Variants in MGLL observed in about 807,000 individuals in gnomAD.
The protein encoded by MGLL is lysophospholipase homolog.
MGLL carries 7 observed loss-of-function variants against 29.1 expected under a neutral mutation model. The ratio of observed to expected loss-of-function variants is 0.24; its 90% CI spans 0.14 to 0.45. The LOEUF is 0.45. Ranked by LOEUF, MGLL falls within the 20% of genes least tolerant of loss-of-function variation. MGLL has a pLI of 0.99. For synonymous variants in MGLL, 148 were observed against 168.3 expected, an observed-to-expected ratio of 0.88 and a Z score of 0.93; for missense variants, 356 against 413.6, an observed-to-expected ratio of 0.86 and a Z score of 1.21.
At position 127,701,215 on chromosome 3, in the gene MGLL, C is replaced by CAAAAAAAAAAAAA. The variant is rs60128956; in HGVS notation, c.601-6038_601-6026dup. On this transcript the variant is annotated intron_variant, in intron 6 of 7. Transcript: ENST00000265052. ...GGGCAAGAGAGCGAGACCCTGCCTC[C>CAAAAAAAAAAAAA]AAAAAAAAAAAAAAAAAAGCCACCA... Among the ~76,000 whole-genome samples the CAAAAAAAAAAAAA allele has an allele frequency of 1.2e-3, 67 of 56,362 alleles. 5 individuals are homozygous for CAAAAAAAAAAAAA. The highest frequency in any genetic ancestry group is 7.2e-3 in the East Asian group (12 of 1,674). The allele number at this position is 56,362 out of a possible 152,430, so 37.0% of individuals were successfully genotyped here.
intron 2 of MGLL, among the ~76,000 whole-genome samples, chr3:127,799,086 G>C (rs995914771): frequency 5.3e-5 from 8 of 152,184 alleles, no homozygotes; most frequent in Admixed American, 5.2e-4. Flanking sequence ...TTCTCTCGAG[G>C]ACACATTCTT....
chr3:127,725,011 C>T (rs1469088984), intron 3 of MGLL, among the ~76,000 whole-genome samples: 1 of 152,092 alleles, frequency 6.6e-6, no homozygotes, highest in East Asian at 1.9e-4. Context: ...CATCCACAGC[C>T]CCCAAGCTGC....
chr3:127,795,022 G>A (rs377497587), intron 2 of MGLL, among the ~76,000 whole-genome samples: 6 of 152,254 alleles, frequency 3.9e-5, no homozygotes, highest in African/African-American at 1.4e-4. Flanking sequence ...TCCCATTACT[G>A]GGTATATACC....
intron 2 of MGLL, among the ~76,000 whole-genome samples, chr3:127,788,031 G>C (rs2077242901): frequency 6.6e-6 from 1 of 152,182 alleles, no homozygotes; most frequent in African/African-American, 2.4e-5. Flanking sequence ...ACGGGAGACA[G>C]AAATAGAACA....
chr3:127,710,640 A>T lies in MGLL; in HGVS notation c.536T>A (p.Leu179His). ...CCCGAGGGACAAGTTTGGCAGCACA[A>T]GGTTGAGCACTTTCGCAGCAAGGAC... The part of the protein sequence containing the change: ...FKVLAAKVLN[L>H]VLPNLSLGPI... The change falls in exon 6 of 8, where the codon CTT (leucine) becomes CAT (histidine). Residue 179 changes from leucine to histidine, a missense_variant. By Grantham distance (99) the Leu-to-His change is moderately conservative. Coordinates refer to ENST00000265052, the MANE Select transcript of MGLL (RefSeq NM_007283.7). 6.4e-7 allele frequency: 1 copy of T among 1,573,640 alleles called. No individual in the cohort carries two copies. Among genetic ancestry groups the T allele is most frequent in the Non-Finnish European group, 8.6e-7 (1 of 1,158,588 alleles).
chr3:127,792,034 C>T lies in MGLL; in HGVS notation c.156-10139G>A, dbSNP rs147763072. ...AGTGAACCAAGATGGCACCACTGCA[C>T]TCCAGCCTGGGCGACAGAGCGAGAC... On this transcript the variant is annotated intron_variant, in intron 2 of 7. Transcript: ENST00000265052. Among the ~76,000 whole-genome samples the T allele has an allele frequency of 1.5e-3, 224 of 152,316 alleles. 4 individuals are homozygous for T. In the East Asian group the frequency reaches 0.041, roughly 28 times the overall value.
intron 2 of MGLL, among the ~76,000 whole-genome samples, chr3:127,801,739 ATATATG>A (rs2077483015): frequency 6.7e-6 from 1 of 149,940 alleles, no homozygotes; most frequent in Non-Finnish European, 1.5e-5. Context: ...AAGAAAAAAT[ATATATG>A]TATATGTTAT....
intron 3 of MGLL, among the ~76,000 whole-genome samples, chr3:127,774,033 A>ATACT (rs2076992778): frequency 6.6e-6 from 1 of 152,160 alleles, no homozygotes; most frequent in Non-Finnish European, 1.5e-5. Flanking sequence ...ACATCACAGT[A>ATACT]TACTGCTCCC....
intron 5 of MGLL, among the ~76,000 whole-genome samples, chr3:127,718,020 G>A (rs1559919485): frequency 6.6e-6 from 1 of 152,136 alleles, no homozygotes; most frequent in Non-Finnish European, 1.5e-5. Flanking sequence ...ACAATGTTTG[G>A]GGCCCCCCCA....
At chr3:127,743,976 G>GCT (rs1389300404) in intron 3 of MGLL, among the ~76,000 whole-genome samples, 1 of 152,150 alleles carries the variant, frequency 6.6e-6, no homozygotes, top group Non-Finnish European at 1.5e-5. Flanking sequence ...TCCCTTTGTG[G>GCT]CTCTCTGCAT....
In MGLL at chr3:127,692,129, T is replaced by G; in HGVS notation, c.*69A>C. ...TTTTTTTTTTTTGGCAAGCCATATC[T>G]GAGAAGCCATCTCTGCCCTTCCCCT... On this transcript the variant is annotated 3_prime_UTR_variant, in exon 8 of 8. Coordinates refer to ENST00000265052, the MANE Select transcript of MGLL (RefSeq NM_007283.7). The G allele has an allele frequency of 9.3e-7, 1 of 1,072,290 alleles. No individual in the cohort carries two copies. The highest frequency in any genetic ancestry group is 1.4e-6 in the Non-Finnish European group (1 of 722,424). The allele number at this position is 1,072,290 out of a possible 1,614,324, so 66.4% of individuals were successfully genotyped here.
chr3:127,720,610 C>T (rs962506325), intron 5 of MGLL, among the ~76,000 whole-genome samples: 1 of 152,218 alleles, frequency 6.6e-6, no homozygotes, highest in African/African-American at 2.4e-5. Context: ...GTCAAAAGTG[C>T]CCGGGGCGGA....
intron 6 of MGLL, among the ~76,000 whole-genome samples, chr3:127,703,052 C>T (rs2107594939): frequency 6.6e-6 from 1 of 152,286 alleles, no homozygotes; most frequent in Non-Finnish European, 1.5e-5. Context: ...AGGTCGCAGC[C>T]CCGGCAAATG....
chr3:127,740,568 G>T (rs1441005599), intron 3 of MGLL, among the ~76,000 whole-genome samples: 1 of 152,198 alleles, frequency 6.6e-6, no homozygotes, highest in East Asian at 1.9e-4. Flanking sequence ...GCTCTGCGGG[G>T]GCCCTGAGGT....
chr3:127,791,353 C>T lies in MGLL; in HGVS notation c.156-9458G>A, dbSNP rs549025532. On this transcript the variant is annotated intron_variant, in intron 2 of 7. Transcript: ENST00000265052. ...TCTCACTTCTTGTTTGTCTTTGAGC[C>T]ATCCTGCTTCAAAGCTCTCTGAGAA... The T allele has an allele frequency of 2.0e-5, 3 of 152,370 alleles. No individual in the cohort carries two copies. The South Asian group carries it at 6.2e-4, about 32-fold the overall frequency. The allele number at this position is 152,370 out of a possible 1,614,324, so 9.4% of individuals were successfully genotyped here.
chr3:127,710,614 G>T lies in MGLL; in HGVS notation c.562C>A (p.Pro188Thr). ...CGAGAGAGCACGCTGGAGTCGATGG[G>T]CCCGAGGGACAAGTTTGGCAGCACA... ...NLVLPNLSLG[P>T]IDSSVLSRNK... is the part of the protein sequence containing the mutation. Residue 188 changes from proline to threonine, a missense_variant, in exon 6 of 8, where the codon CCC (proline) becomes ACC (threonine). Pro to Thr is a conservative substitution (Grantham distance 38, BLOSUM62 -1). Transcript: ENST00000265052. 1 of 1,572,808 alleles carries T rather than the reference G, an allele frequency of 6.4e-7. No homozygotes were observed. Among genetic ancestry groups the T allele is most frequent in the Non-Finnish European group, 8.6e-7 (1 of 1,157,986 alleles).
At chr3:127,740,233 G>A (rs1334390948) in intron 3 of MGLL, among the ~76,000 whole-genome samples, 1 of 152,222 alleles carries the variant, frequency 6.6e-6, no homozygotes, top group African/African-American at 2.4e-5. Context: ...GTGGCATGAA[G>A]CTCGTTCACA....
At chr3:127,776,010 G>A (rs970460349) in intron 3 of MGLL, among the ~76,000 whole-genome samples, 9 of 152,138 alleles carry the variant, frequency 5.9e-5, no homozygotes, top group South Asian at 4.1e-4. Context: ...CGCCAGCCCC[G>A]GTTTTCTCCC....
At chr3:127,692,674 C>T (rs1043864399) in intron 7 of MGLL, among the ~76,000 whole-genome samples, 4 of 152,280 alleles carry the variant, frequency 2.6e-5, no homozygotes, top group African/African-American at 7.2e-5. Flanking sequence ...TCCACGGGGT[C>T]CTCAGCTCAT....
Sources: allele counts gnomAD v4.1 joint callset (sites outside exome capture counted in the v4.1 genomes callset), GRCh38; gene constraint gnomAD v4.1.1; transcripts MANE v1.5; gene names NCBI Gene and HGNC (gene_info 2026-07-23, HGNC 2026-07-21).